Variants in SMYD3 observed in about 807,000 individuals in gnomAD.
SMYD3 encodes the protein SET and MYND domain containing 3, also known as histone-lysine N-methyltransferase SMYD3.
Under a neutral mutation model 57.7 loss-of-function variants are expected in SMYD3, and 36 were observed. The ratio of observed to expected loss-of-function variants is 0.62; its 90% CI spans 0.48 to 0.82. The LOEUF (loss-of-function observed/expected upper bound fraction) is 0.82, where lower values mean the gene tolerates loss of function less well. Ranked by LOEUF, SMYD3 falls within the 40% of genes least tolerant of loss-of-function variation. The pLI is 0.00. For synonymous variants in SMYD3, 211 were observed against 195.0 expected (o/e 1.08, Z -0.68); for missense variants, 515 against 538.8 (o/e 0.96, Z 0.44).
intron 10 of SMYD3, among the ~76,000 whole-genome samples, chr1:245,852,980 T>C (rs551341825): frequency 6.6e-6 from 1 of 152,300 alleles, no homozygotes; most frequent in South Asian, 2.1e-4. Flanking sequence ...TCGAGGGTCT[T>C]CCACTAAAGA....
At chr1:245,807,067 G>A (rs973977999) in intron 10 of SMYD3, among the ~76,000 whole-genome samples, 9 of 152,036 alleles carry the variant, frequency 5.9e-5, no homozygotes, top group African/African-American at 2.2e-4. Flanking sequence ...GTGTGGTCAG[G>A]CTGCTGCTGC....
At chr1:246,119,418 T>C (rs2061390948) in intron 5 of SMYD3, among the ~76,000 whole-genome samples, 1 of 111,236 alleles carries the variant, frequency 9.0e-6, no homozygotes, top group Non-Finnish European at 1.8e-5. Flanking sequence ...TCTTTCTTTT[T>C]TTTTTTTTTT....
intron 5 of SMYD3, among the ~76,000 whole-genome samples, chr1:246,244,161 A>T (rs2063665501): frequency 6.6e-6 from 1 of 152,096 alleles, no homozygotes; most frequent in Admixed American, 6.6e-5. Context: ...CATAGACTAT[A>T]TATAAAAGAG....
chr1:245,879,031 C>G (rs1558450706), intron 8 of SMYD3, among the ~76,000 whole-genome samples: 1 of 152,198 alleles, frequency 6.6e-6, no homozygotes, highest in Non-Finnish European at 1.5e-5. Context: ...ATCTAGGTTT[C>G]ATGTTAACAC....
intron 10 of SMYD3, among the ~76,000 whole-genome samples, chr1:245,834,514 A>G (rs999805067): frequency 7.2e-5 from 11 of 152,136 alleles, no homozygotes; most frequent in African/African-American, 1.9e-4. Flanking sequence ...CTCATACCTG[A>G]CTCTAATAGA....
chr1:245,803,451 A>T (rs1042290999), intron 10 of SMYD3, among the ~76,000 whole-genome samples: 1 of 152,196 alleles, frequency 6.6e-6, no homozygotes, highest in African/African-American at 2.4e-5. Flanking sequence ...TCACAGGTCA[A>T]CAATGGTGAC....
intron 10 of SMYD3, among the ~76,000 whole-genome samples, chr1:245,784,371 C>A (rs1032200454): frequency 2.0e-5 from 3 of 152,086 alleles, no homozygotes; most frequent in Admixed American, 6.6e-5. Context: ...AAATAATAAC[C>A]ATTTTCTTAT....
intron 5 of SMYD3, among the ~76,000 whole-genome samples, chr1:245,991,537 A>C (rs2058813686): frequency 6.6e-6 from 1 of 152,194 alleles, no homozygotes; most frequent in Admixed American, 6.5e-5. Context: ...AGCCACAGTC[A>C]ACTCAAAGAT....
intron 8 of SMYD3, among the ~76,000 whole-genome samples, chr1:245,864,819 T>C (rs761444207): frequency 1.3e-5 from 2 of 152,158 alleles, no homozygotes; most frequent in Non-Finnish European, 2.9e-5. Flanking sequence ...ATAGGATAAA[T>C]AGTTATTTGT....
At chr1:245,955,983 C>T in intron 5 of SMYD3, 1 of 984,960 alleles carries the variant, frequency 1.0e-6, no homozygotes, top group South Asian at 4.7e-5. Flanking sequence ...CTAGGAGGCG[C>T]TTATGAAGAG....
intron 10 of SMYD3, among the ~76,000 whole-genome samples, chr1:245,765,246 A>T (rs1301283465): frequency 6.6e-6 from 1 of 151,410 alleles, no homozygotes; most frequent in Admixed American, 6.6e-5. Context: ...AAAATACAAA[A>T]ATGAGCCAGG....
chr1:245,894,903 C>T (rs762755564), intron 8 of SMYD3, among the ~76,000 whole-genome samples: 2 of 152,122 alleles, frequency 1.3e-5, no homozygotes, highest in Non-Finnish European at 2.9e-5. Context: ...GTGGAGAGAC[C>T]ATCTTTTACC....
At chr1:245,864,964 A>G (rs576589126) in intron 8 of SMYD3, among the ~76,000 whole-genome samples, 1 of 152,204 alleles carries the variant, frequency 6.6e-6, no homozygotes, top group African/African-American at 2.4e-5. Context: ...ATGAGCTACC[A>G]TGTATGAAAT....
intron 10 of SMYD3, among the ~76,000 whole-genome samples, chr1:245,789,572 T>C (rs2047181088): frequency 6.6e-6 from 1 of 152,254 alleles, no homozygotes; most frequent in African/African-American, 2.4e-5. Context: ...TGTTTTTATT[T>C]ATATTTAAGT....
At chr1:245,778,174 C>A (rs947985288) in intron 10 of SMYD3, among the ~76,000 whole-genome samples, 4 of 152,006 alleles carry the variant, frequency 2.6e-5, no homozygotes, top group Non-Finnish European at 4.4e-5. Context: ...CAAACTGTTT[C>A]CAAAATTTAT....
chr1:245,804,007 G>A (rs915119332), intron 10 of SMYD3, among the ~76,000 whole-genome samples: 11 of 149,604 alleles, frequency 7.4e-5, no homozygotes, highest in Non-Finnish European at 1.5e-4. Flanking sequence ...TCCGCCTCCC[G>A]GGTTCAAGGA....
intron 8 of SMYD3, among the ~76,000 whole-genome samples, chr1:245,883,387 T>C (rs949140669): frequency 2.0e-5 from 3 of 152,162 alleles, no homozygotes; most frequent in Non-Finnish European, 4.4e-5. Context: ...CAAGGAAAAG[T>C]CTGAAACCCA....
chr1:245,833,090 G>A (rs2153408), intron 10 of SMYD3, among the ~76,000 whole-genome samples: 110,937 of 141,306 alleles, frequency 0.79, 47,216 homozygotes, highest in Non-Finnish European at 0.95. Flanking sequence ...CTTTTATAAT[G>A]CTGATTCATA....
At chr1:245,814,540 C>T (rs373078697) in intron 10 of SMYD3, 6 of 305,676 alleles carry the variant, frequency 2.0e-5, no homozygotes, top group East Asian at 3.4e-4. Flanking sequence ...ACTGACTACA[C>T]GCGGCCCCAG....
Sources: allele counts gnomAD v4.1 joint callset (sites outside exome capture counted in the v4.1 genomes callset), GRCh38; gene constraint gnomAD v4.1.1; transcripts MANE v1.5; gene names NCBI Gene and HGNC (gene_info 2026-07-23, HGNC 2026-07-21).